QPRT: variants seen among roughly 807,000 people sequenced by gnomAD.
QPRT encodes quinolinate phosphoribosyltransferase.
In QPRT, 17 loss-of-function variants were observed where a neutral mutation model predicts 19.8. The observed-to-expected ratio is 0.86, with a 90% CI of 0.59 to 1.29. QPRT has a LOEUF of 1.29. Ranked by LOEUF, QPRT falls within the 50% of genes most tolerant of loss-of-function variation. The pLI is 0.00. For missense variants in QPRT, 336 were observed against 405.1 expected (o/e 0.83, Z 1.46); for synonymous variants, 178 against 191.0 (o/e 0.93, Z 0.56).
chr16:29,686,652 T>A (rs1232158427), intron 1 of QPRT, among the ~76,000 whole-genome samples: 3 of 152,124 alleles, frequency 2.0e-5, no homozygotes, highest in Non-Finnish European at 2.9e-5. Flanking sequence ...CTCGGCTTTT[T>A]ATTTTTTTAA....
At chr16:29,679,522 G>T (rs1223158727) in intron 1 of QPRT, among the ~76,000 whole-genome samples, 1 of 152,112 alleles carries the variant, frequency 6.6e-6, no homozygotes, top group Non-Finnish European at 1.5e-5. Flanking sequence ...CCGGAAGTGG[G>T]AGGCTGGTTG....
intron 1 of QPRT, among the ~76,000 whole-genome samples, chr16:29,693,896 A>T (rs1186040725): frequency 2.1e-5 from 3 of 144,566 alleles, no homozygotes; most frequent in Non-Finnish European, 3.1e-5. Context: ...GGCCAGACTG[A>T]TTTTTTTTTT....
intron 1 of QPRT, among the ~76,000 whole-genome samples, chr16:29,692,475 G>A (rs562258593): frequency 2.6e-5 from 4 of 152,028 alleles, no homozygotes; most frequent in African/African-American, 9.6e-5. Flanking sequence ...CAGCTACTCG[G>A]GAGGCTGGGG....
rs1176554936 is a variant in QPRT at position 29,697,970 on chromosome 16, C to G, written c.*559C>G. On this transcript the variant is annotated 3_prime_UTR_variant, in exon 4 of 4. Transcript: ENST00000395384. The surrounding 1 kb of genome is among the most constrained non-coding windows in gnomAD (Gnocchi z 4.4). ...CTGCACTCCAGCCTGGGTGATAGAG[C>G]GAGACTCTGTCTCCAAAGAAGAAAC... is the stretch of plus-strand genomic sequence containing the variant. 7.5e-6 allele frequency: 1 copy of G among 133,386 alleles called. No individual in the cohort carries two copies. The highest frequency in any genetic ancestry group is 1.5e-5 in the Non-Finnish European group (1 of 64,606). The allele number at this position is 133,386 out of a possible 1,614,324, so 8.3% of individuals were successfully genotyped here. A position where few individuals can be genotyped will look rare whatever the true frequency, so the allele number is the denominator to read the frequency against.
chr16:29,681,452 T>C (rs938342225), intron 1 of QPRT, among the ~76,000 whole-genome samples: 1 of 151,636 alleles, frequency 6.6e-6, no homozygotes, highest in Non-Finnish European at 1.5e-5. Context: ...GTTACGCATT[T>C]TTCTGGGAAG....
At chr16:29,680,251 C>G (rs906095738) in intron 1 of QPRT, among the ~76,000 whole-genome samples, 2 of 152,032 alleles carry the variant, frequency 1.3e-5, no homozygotes, top group African/African-American at 4.8e-5. Context: ...CCACCGTGCC[C>G]GGCCAACTAA....
chr16:29,687,021 T>TC (rs1416803886), intron 1 of QPRT, among the ~76,000 whole-genome samples: 2 of 152,268 alleles, frequency 1.3e-5, no homozygotes, highest in Admixed American at 6.5e-5. Context: ...CTTTAGCCTA[T>TC]GCTGTTGCAG....
In QPRT at chr16:29,694,860, A is replaced by T; in HGVS notation, c.210A>T (p.Gln70His). The T allele has an allele frequency of 6.2e-7, 1 of 1,614,110 alleles. No individual in the cohort carries two copies. The highest frequency in any genetic ancestry group is 8.5e-7 in the Non-Finnish European group (1 of 1,179,946). Residue 70 changes from glutamine to histidine, a missense_variant, in exon 2 of 4, where the codon CAA (glutamine) becomes CAT (histidine). By Grantham distance (24) the Gln-to-His change is conservative. Coordinates refer to ENST00000395384, the MANE Select transcript of QPRT (RefSeq NM_014298.6). ...CCATATTTACCCAACTCAACTGCCA[A>T]GTCTCCTGGTTCCTCCCCGAGGGAT... Reference protein sequence around the residue: ...FDAIFTQLNCQVSWFLPEGSK... With the variant: ...FDAIFTQLNCHVSWFLPEGSK...
rs1349441037 is a variant in QPRT at position 29,694,870 on chromosome 16, T to C, written c.220T>C (p.Phe74Leu). Reference sequence around the variant, plus strand: ...CCAACTCAACTGCCAAGTCTCCTGGTTCCTCCCCGAGGGATCGAAGCTGGT... The same window carrying C: ...CCAACTCAACTGCCAAGTCTCCTGGCTCCTCCCCGAGGGATCGAAGCTGGT... ...FTQLNCQVSW[F>L]LPEGSKLVPV... is the part of the protein sequence containing the mutation. Residue 74 changes from phenylalanine to leucine, a missense_variant, in exon 2 of 4, where the codon TTC becomes CTC. Transcript: ENST00000395384. 2 of 1,613,952 alleles carry C rather than the reference T, an allele frequency of 1.2e-6. No individual in the cohort carries two copies. The highest frequency in any genetic ancestry group is 2.7e-5 in the African/African-American group (2 of 74,944).
chr16:29,693,989 T>C (rs1967432526), intron 1 of QPRT, among the ~76,000 whole-genome samples: 1 of 152,012 alleles, frequency 6.6e-6, no homozygotes, highest in Non-Finnish European at 1.5e-5. Flanking sequence ...CAAGCCTGGC[T>C]AATTTTTGTA....
chr16:29,679,136 G>T (rs1417324139), upstream of QPRT: 1 of 1,613,596 alleles, frequency 6.2e-7, no homozygotes, highest in South Asian at 1.1e-5. Flanking sequence ...CCCCAGCCTG[G>T]GGCCTCTGGG....
intron 1 of QPRT, among the ~76,000 whole-genome samples, chr16:29,681,166 G>A (rs571657484): frequency 2.6e-4 from 40 of 152,104 alleles, no homozygotes; most frequent in South Asian, 1.2e-3. Context: ...AAACAACGCC[G>A]ACCTGGATGT....
chr16:29,693,781 G>A (rs1967426190), intron 1 of QPRT, among the ~76,000 whole-genome samples: 1 of 151,208 alleles, frequency 6.6e-6, no homozygotes, highest in African/African-American at 2.4e-5. Flanking sequence ...GAGACAGGAG[G>A]GTTTTACCAT....
intron 1 of QPRT, among the ~76,000 whole-genome samples, chr16:29,690,767 G>A (rs1246069407): frequency 6.6e-6 from 1 of 152,126 alleles, no homozygotes; most frequent in African/African-American, 2.4e-5. Flanking sequence ...TCAGCTCACT[G>A]CAAACTCCGC....
At chr16:29,682,622 C>T (rs1967042937) in intron 1 of QPRT, among the ~76,000 whole-genome samples, 1 of 152,100 alleles carries the variant, frequency 6.6e-6, no homozygotes, top group Non-Finnish European at 1.5e-5. Flanking sequence ...TCAGGTGATC[C>T]ACCCACCTTG....
chr16:29,682,383 C>G (rs577433965), intron 1 of QPRT, among the ~76,000 whole-genome samples: 1 of 151,740 alleles, frequency 6.6e-6, no homozygotes, highest in Non-Finnish European at 1.5e-5. Context: ...TTCTTTCTTT[C>G]TTTTTTGAGA....
intron 1 of QPRT, among the ~76,000 whole-genome samples, chr16:29,682,187 A>C (rs1596785119): frequency 6.7e-6 from 1 of 149,114 alleles, no homozygotes; most frequent in African/African-American, 2.5e-5. Context: ...GTGCCACCAC[A>C]CCTGGCTAAT....
chr16:29,684,311 T>G (rs1310418690), intron 1 of QPRT, among the ~76,000 whole-genome samples: 1 of 151,998 alleles, frequency 6.6e-6, no homozygotes, highest in South Asian at 2.1e-4. Context: ...CTTTTGTTTT[T>G]TGAGACGGAG....
intron 2 of QPRT, chr16:29,696,581 G>A (rs532497751): frequency 6.2e-6 from 1 of 160,236 alleles, no homozygotes; most frequent in African/African-American, 2.4e-5. Context: ...ATGAGTTAGA[G>A]ACCATCCTGG....
Sources: allele counts gnomAD v4.1 joint callset (sites outside exome capture counted in the v4.1 genomes callset), GRCh38; gene constraint gnomAD v4.1.1; non-coding constraint Gnocchi (gnomAD v3.1); transcripts MANE v1.5; gene names NCBI Gene and HGNC (gene_info 2026-07-23, HGNC 2026-07-21).